DBT: variants seen among roughly 807,000 people sequenced by gnomAD.
The protein encoded by DBT is lipoamide acyltransferase component of branched-chain alpha-keto acid dehydrogenase complex, mitochondrial.
In DBT, 40 loss-of-function variants were observed where a neutral mutation model predicts 51.3. The ratio of observed to expected loss-of-function variants is 0.78; its 90% confidence interval spans 0.61 to 1.02. DBT has a LOEUF of 1.02. Among genes scored for constraint, DBT ranks in the 50% least tolerant of loss-of-function variants. DBT has a pLI of 0.00. For synonymous variants in DBT, 181 were observed against 190.4 expected (o/e 0.95, Z 0.41); for missense variants, 510 against 580.2 (o/e 0.88, Z 1.24).
chr1:100,201,892 G>T (rs566160437), intron 10 of DBT, among the ~76,000 whole-genome samples: 74 of 152,232 alleles, frequency 4.9e-4, no homozygotes, highest in African/African-American at 1.7e-3. Flanking sequence ...CCCTACAAGA[G>T]CTCCTGAAGG....
At chr1:100,212,565 A>G (rs1480971102) in intron 7 of DBT, among the ~76,000 whole-genome samples, 1 of 152,110 alleles carries the variant, frequency 6.6e-6, no homozygotes, top group Non-Finnish European at 1.5e-5. Context: ...AGAAAGAAAA[A>G]GGGAGATAAA....
At chr1:100,201,673 CA>C (rs1055128439) in intron 10 of DBT, among the ~76,000 whole-genome samples, 8 of 152,148 alleles carry the variant, frequency 5.3e-5, no homozygotes, top group African/African-American at 1.9e-4. Context: ...GGGTTACCCA[CA>C]AAGGGAAGCC....
intron 10 of DBT, among the ~76,000 whole-genome samples, chr1:100,201,585 C>A (rs1661438221): frequency 6.6e-6 from 1 of 151,970 alleles, no homozygotes; most frequent in South Asian, 2.1e-4. Flanking sequence ...GAAGAGCAAC[C>A]CCAAGATCCA....
chr1:100,214,673 A>T, intron 7 of DBT, 144 bp downstream of exon 7: 2 of 791,180 alleles, frequency 2.5e-6, no homozygotes, highest in Non-Finnish European at 2.1e-6. Flanking sequence ...AGAATTGTTT[A>T]AACCCGGAAG....
chr1:100,244,924 T>G (rs897156874), intron 1 of DBT, among the ~76,000 whole-genome samples: 4 of 151,846 alleles, frequency 2.6e-5, no homozygotes, highest in Non-Finnish European at 5.9e-5. Context: ...CTGACTGAGG[T>G]AATTAATAGT....
intron 10 of DBT, among the ~76,000 whole-genome samples, chr1:100,204,743 G>C (rs1661663446): frequency 6.6e-6 from 1 of 152,068 alleles, no homozygotes; most frequent in African/African-American, 2.4e-5. Flanking sequence ...CATGGTAATG[G>C]TACCAAAACA....
intron 2 of DBT, among the ~76,000 whole-genome samples, chr1:100,235,860 C>A (rs1222945187): frequency 6.6e-6 from 1 of 152,084 alleles, no homozygotes; most frequent in Non-Finnish European, 1.5e-5. Flanking sequence ...CAAAGAGAGA[C>A]CCAGCTAGAT....
At chr1:100,229,408 C>T (rs895963206) in intron 4 of DBT, among the ~76,000 whole-genome samples, 1 of 152,106 alleles carries the variant, frequency 6.6e-6, no homozygotes, top group African/African-American at 2.4e-5. Context: ...CCTCGTGATC[C>T]ACCCACCTCG....
At chr1:100,229,055 C>G (rs1570833886) in intron 4 of DBT, among the ~76,000 whole-genome samples, 1 of 152,190 alleles carries the variant, frequency 6.6e-6, no homozygotes, top group Non-Finnish European at 1.5e-5. Flanking sequence ...AAATCACCTT[C>G]TAGCTTTTAG....
At chr1:100,222,328 A>G (rs1016267317) in intron 4 of DBT, among the ~76,000 whole-genome samples, 2 of 152,248 alleles carry the variant, frequency 1.3e-5, no homozygotes, top group Admixed American at 1.3e-4. Flanking sequence ...TAAAATCTAT[A>G]TATTTGTAAA....
intron 1 of DBT, chr1:100,249,226 G>T: frequency 3.0e-6 from 1 of 329,752 alleles, no homozygotes; most frequent in Non-Finnish European, 4.6e-6. Flanking sequence ...ATGGGTCACA[G>T]CCTTGGTGAC....
intron 10 of DBT, among the ~76,000 whole-genome samples, chr1:100,199,630 C>T (rs1285266659): frequency 2.0e-5 from 3 of 152,274 alleles, no homozygotes; most frequent in Middle Eastern, 3.4e-3. Context: ...GGAACAGCTC[C>T]GGTCTGCAGC....
In DBT at chr1:100,213,684, C is replaced by T. The variant is rs1459909372; in HGVS notation, c.939+1133G>A. 5.0e-6 allele frequency: 8 copies of T among 1,607,490 alleles called. No homozygotes were observed. The Admixed American group carries it at 1.3e-4, about 27-fold the overall frequency. ...ACCTTCGCTTAAAGGGAACACCAGG[C>T]TCGGCCTTTCCTACACCCAGCTCTC... On this transcript the variant is annotated intron_variant, in intron 7 of 10. Transcript: ENST00000370132.
intron 10 of DBT, among the ~76,000 whole-genome samples, chr1:100,199,031 G>C (rs1042862184): frequency 6.6e-6 from 1 of 152,096 alleles, no homozygotes; most frequent in Admixed American, 6.5e-5. Flanking sequence ...TTGCCTCAGT[G>C]GTCCTCAACC....
At position 100,196,424 on chromosome 1, in the gene DBT, TAGAAATGA is replaced by T; in HGVS notation, c.1282-10_1282-3del. On this transcript the variant is annotated splice_region_variant and splice_polypyrimidine_tract_variant and intron_variant, in intron 10 of 10. Coordinates refer to ENST00000370132, the MANE Select transcript of DBT (RefSeq NM_001918.5). ...TTTCTGGTTAAATCGGGGAATGGCC[TAGAAATGA>T]AAAAAAAAAAAAAAAAAAAAAAAAA... 1 of 868,158 alleles carries T rather than the reference TAGAAATGA, an allele frequency of 1.2e-6. No individual in the cohort carries two copies. The highest frequency in any genetic ancestry group is 1.6e-6 in the Non-Finnish European group (1 of 636,234). The allele number at this position is 868,158 out of a possible 1,614,324, so 53.8% of individuals were successfully genotyped here.
chr1:100,216,014 G>A lies in DBT; in HGVS notation c.741C>T (p.Phe247=). 1.2e-6 allele frequency: 2 copies of A among 1,609,280 alleles called. No individual in the cohort carries two copies. The highest frequency in any genetic ancestry group is 8.5e-7 in the Non-Finnish European group (1 of 1,175,712). The change falls in exon 6 of 11, where the codon TTC becomes TTT. Residue 247 remains phenylalanine (F), a synonymous_variant. Coordinates refer to ENST00000370132, the MANE Select transcript of DBT (RefSeq NM_001918.5). ...TGGGTTCTGTTTTGTCTTTGCCTGT[G>A]AATACCGGAGGTTTTGATACTAGTA... ...VPILVSKPPV[F]TGKDKTEPIK...
intron 10 of DBT, 145 bp downstream of exon 10, chr1:100,206,085 A>G: frequency 1.6e-6 from 1 of 616,154 alleles, no homozygotes; most frequent in Non-Finnish European, 2.8e-6. Flanking sequence ...AAAAAAAAAA[A>G]AAAAAGAAAT....
chr1:100,218,750 GGTAACAAGGTAA>G lies in DBT; in HGVS notation c.434-15_434-4del, dbSNP rs727503895. On this transcript the variant is annotated splice_polypyrimidine_tract_variant and splice_region_variant and intron_variant, in intron 4 of 10. Coordinates refer to ENST00000370132, the MANE Select transcript of DBT (RefSeq NM_001918.5). ...TTCAACAACATCTTCTTCTGAATCT[GGTAACAAGGTAA>G]AACTTAACTTCAGTTGAAAAAAAAT... is the stretch of plus-strand genomic sequence containing the variant. 5.8e-5 allele frequency: 94 copies of G among 1,612,810 alleles called. No homozygotes were observed. Among genetic ancestry groups the G allele is most frequent in the Admixed American group, 8.3e-5 (5 of 59,912 alleles).
rs754125552 is a variant in DBT at position 100,210,732 on chromosome 1, C to T, written c.979G>A (p.Ala327Thr). The T allele has an allele frequency of 3.3e-5, 54 of 1,613,342 alleles. No individual in the cohort carries two copies. The highest frequency in any genetic ancestry group is 4.5e-5 in the East Asian group (2 of 44,810). The change falls in exon 8 of 11, where the codon GCT becomes ACT. Residue 327 changes from alanine to threonine, a missense_variant. Physicochemically the swap from Ala to Thr is moderately conservative, Grantham distance 58. Coordinates refer to ENST00000370132, the MANE Select transcript of DBT (RefSeq NM_001918.5). ...LGLLQFPILN[A>T]SVDENCQNIT... ...TTCTGGCAGTTTTCATCCACAGAAGCGTTAAGGATAGGAAACTGTAGTAAT... is the reference window on the plus strand; with the variant it reads ...TTCTGGCAGTTTTCATCCACAGAAGTGTTAAGGATAGGAAACTGTAGTAAT...
Sources: allele counts gnomAD v4.1 joint callset (sites outside exome capture counted in the v4.1 genomes callset), GRCh38; gene constraint gnomAD v4.1.1; transcripts MANE v1.5; gene names NCBI Gene and HGNC (gene_info 2026-07-23, HGNC 2026-07-21).